The following TNK2 variants were observed in gnomAD, a reference collection of about 807,000 sequenced individuals.
TNK2 encodes activated CDC42 kinase 1.
In TNK2, 83 loss-of-function variants were observed where a neutral mutation model predicts 101.8. That is an observed-to-expected ratio of 0.82 (90% CI 0.68 to 0.98). The LOEUF (loss-of-function observed/expected upper bound fraction) is 0.98. Ranked by LOEUF, TNK2 falls within the 50% of genes least tolerant of loss-of-function variation. The probability of loss-of-function intolerance (pLI) is 0.00; values close to 1 mark genes in which losing one functional copy is unlikely to be tolerated. For missense variants in TNK2, 1,665 were observed against 1,483.2 expected, an observed-to-expected ratio of 1.12 and a Z score of -2.01; for synonymous variants, 804 against 633.0, an observed-to-expected ratio of 1.27 and a Z score of -4.06.
intron 1 of TNK2, among the ~76,000 whole-genome samples, chr3:195,893,032 G>A (rs1044213222): frequency 6.6e-6 from 1 of 151,874 alleles, no homozygotes; most frequent in African/African-American, 2.4e-5. Context: ...GGGACTTTAG[G>A]GTGGCGGCTA....
At chr3:195,877,529 A>G (rs750292991) in intron 9 of TNK2, among the ~76,000 whole-genome samples, 2 of 151,630 alleles carry the variant, frequency 1.3e-5, no homozygotes, top group Non-Finnish European at 2.9e-5. Flanking sequence ...CCTCCACTTC[A>G]CTCTTCTTCC....
At chr3:195,897,796 C>G (rs902470267) in intron 1 of TNK2, among the ~76,000 whole-genome samples, 1 of 100,408 alleles carries the variant, frequency 1.0e-5, no homozygotes, top group Non-Finnish European at 2.0e-5. Context: ...GCCACTGCGC[C>G]TGCCCACCCC....
At position 195,867,797 on chromosome 3, in the gene TNK2, T is replaced by C. The variant is rs1303086730; in HGVS notation, c.2501A>G (p.Gln834Arg). The C allele has an allele frequency of 3.2e-6, 5 of 1,564,814 alleles. No individual in the cohort carries two copies. The highest frequency in any genetic ancestry group is 4.3e-6 in the Non-Finnish European group (5 of 1,158,838). The stretch of plus-strand genomic sequence containing the variant: ...GTACTTGGGGTCTGAGGCAAAGCTC[T>C]GGGTGGTGGGCATGGTCTTCCCAGG... ...SSPGKTMPTT[Q>R]SFASDPKYAT... Residue 834 changes from glutamine (Q) to arginine (R), a missense_variant, in exon 13 of 16, where the codon CAG (glutamine) becomes CGG (arginine). Transcript: ENST00000672887.
At chr3:195,890,249 G>A (rs1338416701) in intron 1 of TNK2, among the ~76,000 whole-genome samples, 2 of 152,136 alleles carry the variant, frequency 1.3e-5, no homozygotes, top group Non-Finnish European at 2.9e-5. Context: ...GGACAGTTCT[G>A]GTTGCCACAA....
chr3:195,882,595 C>A lies in TNK2; in HGVS notation c.610-267G>T, dbSNP rs556515661. The A allele has an allele frequency of 1.2e-5, 17 of 1,392,006 alleles. No individual in the cohort carries two copies. The East Asian group carries it at 2.1e-4, about 17-fold the overall frequency. 86.2% of individuals were successfully genotyped at this position (1,392,006 alleles called of 1,614,324 possible). A position where few individuals can be genotyped will look rare whatever the true frequency, so the allele number is the denominator to read the frequency against. On this transcript the variant is annotated intron_variant, in intron 5 of 15. Coordinates refer to ENST00000672887, the MANE Select transcript of TNK2 (RefSeq NM_001382273.1). The surrounding 1 kb of genome is among the most constrained non-coding windows in gnomAD (Gnocchi z 4.2). ...AAACTCAGCTGGACGTGGTGGCTCACGCCTGTAATCCCAGCACTTTGGGAG... is the reference window on the plus strand; with the variant it reads ...AAACTCAGCTGGACGTGGTGGCTCAAGCCTGTAATCCCAGCACTTTGGGAG...
intron 15 of TNK2, among the ~76,000 whole-genome samples, chr3:195,866,654 G>A (rs532165231): frequency 8.9e-4 from 135 of 152,358 alleles, no homozygotes; most frequent in African/African-American, 3.0e-3. Context: ...TTCAACCAGA[G>A]AGGCTCCAAT....
At chr3:195,870,430 A>T in intron 10 of TNK2, 2 of 1,381,620 alleles carry the variant, frequency 1.4e-6, no homozygotes, top group Non-Finnish European at 1.9e-6. Context: ...AAAGCCTAGG[A>T]CCTCAGGGAC....
At chr3:195,869,275 G>C in intron 12 of TNK2, 2 of 609,944 alleles carry the variant, frequency 3.3e-6, no homozygotes, top group Non-Finnish European at 5.8e-6. Flanking sequence ...GAGTGAGGCC[G>C]AGGCGGAAGC....
In TNK2 at chr3:195,878,218, G is replaced by C. The variant is rs370148404; in HGVS notation, c.1256+35C>G. On this transcript the variant is annotated intron_variant, in intron 9 of 15. Transcript: ENST00000672887. The surrounding 1 kb of genome is among the most constrained non-coding windows in gnomAD (Gnocchi z 4.7). ...TCCCTCCGACCTGTGCCCTTCAAGC[G>C]ATCCCAGGGCGGGGCCCAGCCCTGC... The C allele has an allele frequency of 2.1e-5, 34 of 1,608,592 alleles. No individual in the cohort carries two copies. Among genetic ancestry groups the C allele is most frequent in the Non-Finnish European group, 2.9e-5 (34 of 1,175,290 alleles).
chr3:195,895,340 A>G, intron 1 of TNK2: 2 of 1,565,554 alleles, frequency 1.3e-6, no homozygotes, highest in Non-Finnish European at 1.7e-6. Flanking sequence ...GGAGAGAAGC[A>G]GCGCCCGCAG....
rs185734671 is a variant in TNK2 at position 195,887,738 on chromosome 3, C to T, written c.163+688G>A. On this transcript the variant is annotated intron_variant, in intron 2 of 15. Transcript: ENST00000672887. ...ATCAGAGCAAACCTGTGTGTATGTG[C>T]GTGTGTGTGCACACGCGTGTGCGCA... Among the ~76,000 whole-genome samples the T allele has an allele frequency of 7.0e-4, 107 of 151,956 alleles. 1 individual carries two copies. The highest frequency in any genetic ancestry group is 2.5e-3 in the Admixed American group (38 of 15,288).
intron 1 of TNK2, chr3:195,892,122 C>A: frequency 1.6e-6 from 1 of 612,840 alleles, no homozygotes; most frequent in Non-Finnish European, 2.4e-6. Context: ...ATGGCTGCAG[C>A]TCCTCCAGAG....
chr3:195,897,819 CCCCCCCCCCA>C (rs1760791883), intron 1 of TNK2, among the ~76,000 whole-genome samples: 2 of 4,598 alleles, frequency 4.3e-4, no homozygotes, highest in Admixed American at 3.4e-3. Flanking sequence ...CACCCCCCCA[CCCCCCCCCCA>C]CCCCCCGCCC....
chr3:195,891,952 C>T, intron 1 of TNK2: 1 of 991,548 alleles, frequency 1.0e-6, no homozygotes, highest in Non-Finnish European at 1.2e-6. Flanking sequence ...GACCCAGCAA[C>T]AGCGCAGCTC....
chr3:195,878,609 GCA>G lies in TNK2; in HGVS notation c.1015-19_1015-18del. 6.2e-7 allele frequency: 1 copy of G among 1,607,244 alleles called. No homozygotes were observed. Among genetic ancestry groups the G allele is most frequent in the Non-Finnish European group, 8.5e-7 (1 of 1,176,220 alleles). ...ATGCAGGATCTGAAGGTGAGGAGGT[GCA>G]GAGTTTGACGACAAACAGAGCGCCC... On this transcript the variant is annotated intron_variant, in intron 7 of 15. Transcript: ENST00000672887. This position sits in a 1 kb window ranked among gnomAD's most constrained non-coding sequence, Gnocchi z 4.7.
chr3:195,887,852 G>A (rs947307010), intron 2 of TNK2, among the ~76,000 whole-genome samples: 1 of 98,876 alleles, frequency 1.0e-5, no homozygotes, highest in Non-Finnish European at 2.4e-5. Context: ...GTGTGTGTGC[G>A]TGTCTGTGTG....
At chr3:195,906,217 A>G (rs1375201144) in intron 1 of TNK2, among the ~76,000 whole-genome samples, 1 of 152,234 alleles carries the variant, frequency 6.6e-6, no homozygotes, top group Non-Finnish European at 1.5e-5. Context: ...TCTCATACAC[A>G]GTGGATGAGT....
Position 195,887,046 on chromosome 3 carries a change from G to A in TNK2, c.165C>T (p.Gly55=), listed in dbSNP as rs757361048. The change falls in exon 3 of 16, where the codon GGC becomes GGT. Residue 55 remains glycine (G), a splice_region_variant and synonymous_variant. Coordinates refer to ENST00000672887, the MANE Select transcript of TNK2 (RefSeq NM_001382273.1). Reference sequence around the variant, plus strand: ...TCACAGCCTCCCACAGCCGCCGCTGGCCTGCAGGGAGAGCGGGGAACCGCG... The same window carrying A: ...TCACAGCCTCCCACAGCCGCCGCTGACCTGCAGGGAGAGCGGGGAACCGCG... ...DLEKIGMGRP[G]QRRLWEAVKR... is the part of the protein sequence containing the mutation. 62 of 1,613,986 alleles carry A rather than the reference G, an allele frequency of 3.8e-5. No individual in the cohort carries two copies. Among genetic ancestry groups the A allele is most frequent in the Non-Finnish European group, 5.2e-5 (61 of 1,179,998 alleles).
intron 9 of TNK2, among the ~76,000 whole-genome samples, chr3:195,876,974 C>G (rs747562764): frequency 3.3e-5 from 5 of 152,202 alleles, no homozygotes; most frequent in Non-Finnish European, 7.3e-5. Context: ...GGCAGCAGCA[C>G]AAGAGGGGCC....
Sources: allele counts gnomAD v4.1 joint callset (sites outside exome capture counted in the v4.1 genomes callset), GRCh38; gene constraint gnomAD v4.1.1; non-coding constraint Gnocchi (gnomAD v3.1); transcripts MANE v1.5; gene names NCBI Gene and HGNC (gene_info 2026-07-23, HGNC 2026-07-21).